The following CNTNAP5 variants were observed in gnomAD, a reference collection of about 807,000 sequenced individuals.
CNTNAP5 encodes the protein contactin associated protein family member 5.
A neutral mutation model predicts 150.2 loss-of-function variants in CNTNAP5; 72 were observed. The observed-to-expected ratio is 0.48, with a 90% CI of 0.40 to 0.58. The LOEUF is 0.58. Ranked by LOEUF, CNTNAP5 falls within the 20% of genes least tolerant of loss-of-function variation. The probability of loss-of-function intolerance (pLI) is 0.00; values close to 1 mark genes in which losing one functional copy is unlikely to be tolerated. For synonymous variants in CNTNAP5, 672 were observed against 619.8 expected (o/e 1.08, Z -1.25); for missense variants, 1,636 against 1,626.2 (o/e 1.01, Z -0.10).
chr2:124,304,870 G>A (rs149287154), intron 3 of CNTNAP5, among the ~76,000 whole-genome samples: 5 of 152,154 alleles, frequency 3.3e-5, no homozygotes, highest in Admixed American at 6.6e-5. Flanking sequence ...ACTTGGGTTC[G>A]CGGAGGGAAT....
intron 11 of CNTNAP5, among the ~76,000 whole-genome samples, chr2:124,592,221 T>A (rs1442339623): frequency 6.6e-6 from 1 of 152,098 alleles, no homozygotes; most frequent in African/African-American, 2.4e-5. Context: ...TACCAGTGTT[T>A]CTTGGAGCAG....
At chr2:124,555,220 C>T (rs1027025188) in intron 10 of CNTNAP5, among the ~76,000 whole-genome samples, 7 of 151,990 alleles carry the variant, frequency 4.6e-5, no homozygotes, top group African/African-American at 1.5e-4. Flanking sequence ...ACTTCTTTAC[C>T]CAAAAACATT....
At chr2:124,908,936 A>G (rs905495005) in intron 22 of CNTNAP5, among the ~76,000 whole-genome samples, 2 of 152,178 alleles carry the variant, frequency 1.3e-5, no homozygotes, top group Admixed American at 6.6e-5. Context: ...TAGTTGTATG[A>G]TATTTGTGTT....
intron 3 of CNTNAP5, among the ~76,000 whole-genome samples, chr2:124,311,381 G>A (rs1455804086): frequency 1.3e-5 from 2 of 152,134 alleles, no homozygotes; most frequent in Non-Finnish European, 2.9e-5. Context: ...TCCTCACATA[G>A]CCTTTCCTCA....
At chr2:124,846,271 C>T (rs1177658225) in intron 19 of CNTNAP5, among the ~76,000 whole-genome samples, 1 of 151,958 alleles carries the variant, frequency 6.6e-6, no homozygotes, top group Non-Finnish European at 1.5e-5. Context: ...TGGCTTTGTT[C>T]ATTTTAAAAA....
chr2:124,523,440 G>T (rs1258652134), intron 8 of CNTNAP5, among the ~76,000 whole-genome samples: 1 of 152,130 alleles, frequency 6.6e-6, no homozygotes, highest in East Asian at 1.9e-4. Flanking sequence ...TACACCACCA[G>T]GACACAGTCT....
intron 3 of CNTNAP5, among the ~76,000 whole-genome samples, chr2:124,326,904 G>A (rs1689232647): frequency 6.6e-6 from 1 of 151,734 alleles, no homozygotes. Context: ...GGGAAGTAGA[G>A]GTTACAGTGA....
intron 13 of CNTNAP5, among the ~76,000 whole-genome samples, chr2:124,673,847 T>TTA (rs1299521799): frequency 2.6e-5 from 4 of 152,112 alleles, no homozygotes; most frequent in Non-Finnish European, 5.9e-5. Context: ...GTACTCATTT[T>TTA]TAAGTTTTAT....
At chr2:124,879,019 A>G (rs1452409026) in intron 21 of CNTNAP5, among the ~76,000 whole-genome samples, 1 of 152,072 alleles carries the variant, frequency 6.6e-6, no homozygotes, top group Admixed American at 6.6e-5. Flanking sequence ...AAAAGAGTTA[A>G]CTAGACCAAA....
intron 19 of CNTNAP5, among the ~76,000 whole-genome samples, chr2:124,835,068 A>G (rs916144788): frequency 1.3e-5 from 2 of 152,120 alleles, no homozygotes; most frequent in Admixed American, 6.6e-5. Context: ...AACAGGGATC[A>G]TAATTAATAA....
intron 3 of CNTNAP5, among the ~76,000 whole-genome samples, chr2:124,399,440 G>A (rs1023436637): frequency 9.9e-5 from 15 of 152,088 alleles, no homozygotes; most frequent in Non-Finnish European, 1.6e-4. Flanking sequence ...TTCCCATTCA[G>A]GGAGGTGAAA....
intron 3 of CNTNAP5, among the ~76,000 whole-genome samples, chr2:124,298,041 T>C (rs1376469768): frequency 1.3e-5 from 2 of 151,960 alleles, no homozygotes; most frequent in African/African-American, 2.4e-5. Flanking sequence ...GATGGGGTTT[T>C]ACCATGTTGG....
At chr2:124,606,154 A>G (rs1328267433) in intron 11 of CNTNAP5, among the ~76,000 whole-genome samples, 1 of 152,212 alleles carries the variant, frequency 6.6e-6, no homozygotes, top group Non-Finnish European at 1.5e-5. Context: ...TTCAGAAAAG[A>G]AAAAGTAATC....
intron 1 of CNTNAP5, among the ~76,000 whole-genome samples, chr2:124,198,018 A>G (rs764437895): frequency 5.7e-4 from 86 of 151,792 alleles, no homozygotes; most frequent in Middle Eastern, 3.4e-3. Flanking sequence ...TAATAATAAA[A>G]CAATACGTAG....
chr2:124,308,240 G>A (rs1573906113), intron 3 of CNTNAP5, among the ~76,000 whole-genome samples: 1 of 152,132 alleles, frequency 6.6e-6, no homozygotes, highest in East Asian at 1.9e-4. Context: ...GTAGACCAAG[G>A]TTAGTTGTGA....
intron 10 of CNTNAP5, among the ~76,000 whole-genome samples, chr2:124,538,846 G>T (rs796888981): frequency 6.6e-6 from 1 of 152,268 alleles, no homozygotes; most frequent in African/African-American, 2.4e-5. Flanking sequence ...AGATTCCTTG[G>T]TATTGATTCC....
chr2:124,646,470 C>A (rs1014115262), intron 12 of CNTNAP5, among the ~76,000 whole-genome samples: 1 of 152,162 alleles, frequency 6.6e-6, no homozygotes, highest in African/African-American at 2.4e-5. Flanking sequence ...AGGGAAGAAA[C>A]CACATGATTT....
intron 11 of CNTNAP5, among the ~76,000 whole-genome samples, chr2:124,565,478 AC>A (rs2104932990): frequency 6.6e-6 from 1 of 152,116 alleles, no homozygotes; most frequent in South Asian, 2.1e-4. Context: ...ACTATGACCC[AC>A]AAAAATTAAA....
chr2:124,319,320 T>C (rs544626720), intron 3 of CNTNAP5, among the ~76,000 whole-genome samples: 3 of 152,348 alleles, frequency 2.0e-5, no homozygotes, highest in Admixed American at 1.3e-4. Context: ...AAAAAATGTA[T>C]GTAAACAACT....
Sources: allele counts gnomAD v4.1 joint callset (sites outside exome capture counted in the v4.1 genomes callset), GRCh38; gene constraint gnomAD v4.1.1; transcripts MANE v1.5; gene names NCBI Gene and HGNC (gene_info 2026-07-23, HGNC 2026-07-21).